SAMD4A: variants seen among roughly 807,000 people sequenced by gnomAD.
SAMD4A encodes sterile alpha motif domain containing 4A, also known as protein Smaug homolog 1.
SAMD4A carries 33 observed loss-of-function variants against 81.3 expected under a neutral mutation model. That is an observed-to-expected ratio of 0.41 (90% CI 0.31 to 0.54). SAMD4A has a LOEUF of 0.54. Ranked by LOEUF, SAMD4A falls within the 20% of genes least tolerant of loss-of-function variation. The pLI, the probability that SAMD4A is intolerant of heterozygous loss-of-function variation, is 0.37. For missense variants in SAMD4A, 854 were observed against 951.1 expected, an observed-to-expected ratio of 0.90 and a Z score of 1.34; for synonymous variants, 389 against 382.1, an observed-to-expected ratio of 1.02 and a Z score of -0.21.
intron 2 of SAMD4A, among the ~76,000 whole-genome samples, chr14:54,644,621 G>A (rs2035246253): frequency 6.6e-6 from 1 of 152,222 alleles, no homozygotes; most frequent in Non-Finnish European, 1.5e-5. Flanking sequence ...CTGCCTCTGT[G>A]TGGAACCTCT....
chr14:54,759,204 C>A (rs2038325780), intron 6 of SAMD4A, among the ~76,000 whole-genome samples: 1 of 152,164 alleles, frequency 6.6e-6, no homozygotes, highest in Non-Finnish European at 1.5e-5. Flanking sequence ...CCTTGTAAAA[C>A]TTGTCACTCC....
chr14:54,730,188 G>T (rs1329722615), intron 3 of SAMD4A, among the ~76,000 whole-genome samples: 1 of 152,180 alleles, frequency 6.6e-6, no homozygotes, highest in Non-Finnish European at 1.5e-5. Flanking sequence ...TGACACCAGT[G>T]ACAAGGACTC....
At position 54,737,022 on chromosome 14, in the gene SAMD4A, A is replaced by T. The variant is rs1473274550; in HGVS notation, c.716-2A>T. 3 of 1,611,032 alleles carry T rather than the reference A, an allele frequency of 1.9e-6. No individual in the cohort carries two copies. The highest frequency in any genetic ancestry group is 1.7e-5 in the Admixed American group (1 of 59,340). On this transcript the variant is annotated splice_acceptor_variant, in intron 3 of 12. Coordinates refer to ENST00000554335, the MANE Select transcript of SAMD4A (RefSeq NM_015589.6). LOFTEE classifies it high-confidence loss of function. ...CCTATTTCATTTTATTTTTTTTTCC[A>T]GTTCTCTCAGGCCAGGCACACCACA...
chr14:54,586,248 T>TCCTTAGC (rs1406210736), intron 2 of SAMD4A, among the ~76,000 whole-genome samples: 2 of 152,240 alleles, frequency 1.3e-5, no homozygotes, highest in African/African-American at 4.8e-5. Flanking sequence ...AGAATTCATG[T>TCCTTAGC]CCTTAGCCCA....
At chr14:54,686,450 A>G (rs919437130) in intron 2 of SAMD4A, among the ~76,000 whole-genome samples, 2 of 152,086 alleles carry the variant, frequency 1.3e-5, no homozygotes, top group Admixed American at 6.5e-5. Context: ...TTTTATTTGC[A>G]TGTGAATCAT....
At chr14:54,601,476 T>C (rs1183178851) in intron 2 of SAMD4A, among the ~76,000 whole-genome samples, 8 of 152,204 alleles carry the variant, frequency 5.3e-5, no homozygotes, top group Non-Finnish European at 1.2e-4. Context: ...AACTTCTCCT[T>C]TGTCCTTTTT....
At chr14:54,766,072 G>GA (rs138931741) in intron 8 of SAMD4A, among the ~76,000 whole-genome samples, 1,728 of 149,880 alleles carry the variant, frequency 0.012, 21 homozygotes, top group African/African-American at 0.036. Context: ...ACTTTTCACT[G>GA]AAAAAAAAAT....
At chr14:54,697,562 A>C (rs1026968593) in intron 2 of SAMD4A, among the ~76,000 whole-genome samples, 23 of 152,110 alleles carry the variant, frequency 1.5e-4, no homozygotes, top group African/African-American at 5.6e-4. Context: ...AGGAAGGGAA[A>C]TGTTTAGTGG....
chr14:54,665,361 C>T (rs901637902), intron 2 of SAMD4A, among the ~76,000 whole-genome samples: 1 of 152,160 alleles, frequency 6.6e-6, no homozygotes, highest in Non-Finnish European at 1.5e-5. Context: ...CACCCACCTC[C>T]AATAAACAAG....
At chr14:54,641,123 G>A (rs999570337) in intron 2 of SAMD4A, among the ~76,000 whole-genome samples, 1 of 152,158 alleles carries the variant, frequency 6.6e-6, no homozygotes, top group African/African-American at 2.4e-5. Flanking sequence ...ACTTAATGAT[G>A]ACTTGAACTC....
intron 9 of SAMD4A, among the ~76,000 whole-genome samples, chr14:54,772,714 A>G (rs1212998529): frequency 3.3e-5 from 5 of 152,246 alleles, no homozygotes; most frequent in Non-Finnish European, 1.5e-5. Context: ...AGAAAACGCT[A>G]TCCACGCTAA....
chr14:54,609,528 C>T lies in SAMD4A; in HGVS notation c.196+41416C>T, dbSNP rs558117348. Among the ~76,000 whole-genome samples the T allele has an allele frequency of 5.7e-4, 87 of 152,364 alleles. 1 individual carries two copies. The highest frequency in any genetic ancestry group is 2.0e-3 in the African/African-American group (82 of 41,584). ...CAATTGGAAAAGAATACAATTCCAG[C>T]ATAGCCTGCTCCTGATGGTCACCTT... is the stretch of plus-strand genomic sequence containing the variant. On this transcript the variant is annotated intron_variant, in intron 2 of 12. Transcript: ENST00000554335.
At chr14:54,677,758 T>C (rs2036023481) in intron 2 of SAMD4A, among the ~76,000 whole-genome samples, 1 of 152,200 alleles carries the variant, frequency 6.6e-6, no homozygotes, top group African/African-American at 2.4e-5. Context: ...TTAATTAGTC[T>C]TATAAAACAT....
chr14:54,741,826 C>G (rs545419527), intron 4 of SAMD4A, among the ~76,000 whole-genome samples: 23 of 152,218 alleles, frequency 1.5e-4, no homozygotes, highest in African/African-American at 5.3e-4. Flanking sequence ...GAACAGCATT[C>G]ACGAAATCAC....
chr14:54,595,843 A>C lies in SAMD4A; in HGVS notation c.196+27731A>C, dbSNP rs186743913. 2.6e-5 allele frequency among the ~76,000 whole-genome samples: 4 copies of C among 152,332 alleles called. No homozygotes were observed. In the South Asian group the frequency reaches 6.2e-4, roughly 24 times the overall value. On this transcript the variant is annotated intron_variant, in intron 2 of 12. Coordinates refer to ENST00000554335, the MANE Select transcript of SAMD4A (RefSeq NM_015589.6). ...ATTTCCAAATTGTATTTTTAATGGGATGATACTAGTTTTTTGCTTTTCATT... is the reference window on the plus strand; with the variant it reads ...ATTTCCAAATTGTATTTTTAATGGGCTGATACTAGTTTTTTGCTTTTCATT...
At chr14:54,636,298 G>T (rs2035033991) in intron 2 of SAMD4A, among the ~76,000 whole-genome samples, 2 of 152,144 alleles carry the variant, frequency 1.3e-5, no homozygotes. Flanking sequence ...TGTGACTGGA[G>T]AGGAGTGATC....
chr14:54,763,830 A>C (rs1328692094), intron 7 of SAMD4A, among the ~76,000 whole-genome samples: 1 of 152,202 alleles, frequency 6.6e-6, no homozygotes, highest in African/African-American at 2.4e-5. Flanking sequence ...CTCTACCCGC[A>C]GACTAACTCT....
chr14:54,678,430 CATTTGTGT>C (rs2036039249), intron 2 of SAMD4A, among the ~76,000 whole-genome samples: 1 of 78,998 alleles, frequency 1.3e-5, no homozygotes, highest in African/African-American at 5.4e-5. Context: ...GGGCAGTCAC[CATTTGTGT>C]GTGTGTGTGT....
rs1189164641 is a variant in SAMD4A, at chr14:54,791,523, C to G, written c.*2579C>G. On this transcript the variant is annotated 3_prime_UTR_variant, in exon 13 of 13. Coordinates refer to ENST00000554335, the MANE Select transcript of SAMD4A (RefSeq NM_015589.6). Reference sequence around the variant, plus strand: ...TTATTTTGGATATGTTACTTATTAACTTGCTATGGCTGGTAACCATGATAA... The same window carrying G: ...TTATTTTGGATATGTTACTTATTAAGTTGCTATGGCTGGTAACCATGATAA... The G allele has an allele frequency of 2.6e-5, 4 of 152,178 alleles. No homozygotes were observed. Among genetic ancestry groups the G allele is most frequent in the Non-Finnish European group, 5.9e-5 (4 of 68,036 alleles). The allele number at this position is 152,178 out of a possible 1,614,324, so 9.4% of individuals were successfully genotyped here.
Sources: gnomAD v4.1 joint callset for allele counts (sites outside exome capture counted in the v4.1 genomes callset) on GRCh38, gnomAD v4.1.1 for gene constraint, MANE v1.5 for transcripts, NCBI Gene and HGNC (gene_info 2026-07-23, HGNC 2026-07-21) for gene names.